The following BAZ2B variants were observed in gnomAD, a reference collection of about 807,000 sequenced individuals.
The protein encoded by BAZ2B is bromodomain adjacent to zinc finger domain protein 2B.
In BAZ2B, 91 loss-of-function variants were observed where a neutral mutation model predicts 246.0. The observed-to-expected ratio is 0.37, with a 90% CI of 0.31 to 0.44. The LOEUF is 0.44. Ranked by LOEUF, BAZ2B falls within the 20% of genes least tolerant of loss-of-function variation. BAZ2B has a pLI of 1.00. For missense variants in BAZ2B, 2,332 were observed against 2,533.7 expected (o/e 0.92, Z 1.71); for synonymous variants, 855 against 860.0 (o/e 0.99, Z 0.10).
intron 20 of BAZ2B, chr2:159,392,072 C>G (rs1027498454): frequency 1.3e-5 from 2 of 152,140 alleles, no homozygotes; most frequent in African/African-American, 2.4e-5. Context: ...TCACATCTCA[C>G]AATTCACAGT....
intron 31 of BAZ2B, among the ~76,000 whole-genome samples, chr2:159,342,726 G>C (rs113753931): frequency 4.6e-4 from 70 of 152,088 alleles, no homozygotes; most frequent in African/African-American, 1.6e-3. Flanking sequence ...CCAAAGAAGT[G>C]AAAGACCTCT....
In BAZ2B at chr2:159,453,701, G is replaced by A; in HGVS notation, c.246C>T (p.Ala82=). Residue 82 remains alanine (A), a synonymous_variant, in exon 4 of 37, where the codon GCC becomes GCT. Transcript: ENST00000392783. Reference sequence around the variant, plus strand: ...CACCAAATTCTGAATGCCCTGAGCTGGCTGAATGTAGACCAAAGACTGGGT... The same window carrying A: ...CACCAAATTCTGAATGCCCTGAGCTAGCTGAATGTAGACCAAAGACTGGGT... ...VSHPVFGLHS[A]SSGHSEFGGL... is the part of the protein sequence containing the mutation. 6.2e-7 allele frequency: 1 copy of A among 1,613,836 alleles called. No homozygotes were observed. Among genetic ancestry groups the A allele is most frequent in the South Asian group, 1.1e-5 (1 of 91,006 alleles).
At chr2:159,678,453 C>A in the BAZ2B span, among the ~76,000 whole-genome samples, 1 of 151,956 alleles carries the variant, frequency 6.6e-6, no homozygotes, top group Non-Finnish European at 1.5e-5. Context: ...ATTCTAACAC[C>A]CAGAATTTCC....
chr2:159,623,176 A>G, the BAZ2B span, among the ~76,000 whole-genome samples: 1 of 151,192 alleles, frequency 6.6e-6, no homozygotes, highest in African/African-American at 2.4e-5. Flanking sequence ...GAAGGAGGGA[A>G]GGAAGGAAGG....
At chr2:159,667,797 C>T in the BAZ2B span, among the ~76,000 whole-genome samples, 5 of 151,936 alleles carry the variant, frequency 3.3e-5, no homozygotes, top group African/African-American at 1.2e-4. Flanking sequence ...ATGATTATAA[C>T]TTGAAGTCTT....
At chr2:159,406,547 A>G (rs1033299450) in intron 14 of BAZ2B, among the ~76,000 whole-genome samples, 1 of 152,188 alleles carries the variant, frequency 6.6e-6, no homozygotes, top group African/African-American at 2.4e-5. Context: ...TTCAAACTCT[A>G]AAAGTGGTAT....
chr2:159,363,885 C>T (rs761525289), intron 27 of BAZ2B, among the ~76,000 whole-genome samples: 1 of 151,976 alleles, frequency 6.6e-6, no homozygotes, highest in Non-Finnish European at 1.5e-5. Flanking sequence ...CTGGGGAGGA[C>T]GAGGGCTATT....
At chr2:159,432,650 A>G (rs1201142134) in intron 9 of BAZ2B, 107 bp downstream of exon 9, 2 of 1,416,400 alleles carry the variant, frequency 1.4e-6, no homozygotes, top group Non-Finnish European at 1.9e-6. Context: ...AAGTTGTGTG[A>G]AACATAGTAA....
At chr2:159,682,686 G>A in the BAZ2B span, among the ~76,000 whole-genome samples, 1 of 152,194 alleles carries the variant, frequency 6.6e-6, no homozygotes, top group Non-Finnish European at 1.5e-5. Flanking sequence ...CAGGGGCAGA[G>A]AATGCTGATT....
At chr2:159,321,184 A>G (rs563586110) in intron 36 of BAZ2B, among the ~76,000 whole-genome samples, 9 of 152,356 alleles carry the variant, frequency 5.9e-5, no homozygotes, top group African/African-American at 2.2e-4. Flanking sequence ...TGGTCATTTC[A>G]AACCAACTCA....
chr2:159,580,054 G>A (rs2151626125), intron 1 of BAZ2B, among the ~76,000 whole-genome samples: 1 of 152,270 alleles, frequency 6.6e-6, no homozygotes, highest in African/African-American at 2.4e-5. Flanking sequence ...ACATAGTGTT[G>A]GAAGTTCTGG....
At chr2:159,633,442 G>A in the BAZ2B span, among the ~76,000 whole-genome samples, 22 of 152,312 alleles carry the variant, frequency 1.4e-4, no homozygotes, top group African/African-American at 4.8e-4. Flanking sequence ...GAGGCCACCT[G>A]ACAGTGATTA....
At position 159,433,135 on chromosome 2, in the gene BAZ2B, C is replaced by T. The variant is rs2071459713; in HGVS notation, c.1522G>A (p.Ala508Thr). 1.9e-6 allele frequency: 3 copies of T among 1,614,012 alleles called. No homozygotes were observed. The highest frequency in any genetic ancestry group is 8.5e-7 in the Non-Finnish European group (1 of 1,180,012). ...TGCATTTTAGTTTTGGTAGTAAGTG[C>T]TAGAGGAGCTTCTTGAATGACACTT... Reference protein sequence around the residue: ...IQSVIQEAPLALTTKTKMQSK... With the variant: ...IQSVIQEAPLTLTTKTKMQSK... The change falls in exon 9 of 37, where the codon GCA becomes ACA. Residue 508 changes from alanine (A) to threonine (T), a missense_variant. Around this residue, in one of 9 missense-constraint regions of BAZ2B, gnomAD observed 651 missense variants for 650.9 expected, o/e 1.00. Transcript: ENST00000392783.
intron 2 of BAZ2B, among the ~76,000 whole-genome samples, chr2:159,486,718 A>AT (rs1419657360): frequency 9.2e-5 from 14 of 151,990 alleles, no homozygotes; most frequent in African/African-American, 3.1e-4. Context: ...ACACATTGGT[A>AT]AATGTATACA....
chr2:159,428,213 A>G (rs2070353095), intron 12 of BAZ2B, 98 bp downstream of exon 12: 4 of 1,177,270 alleles, frequency 3.4e-6, no homozygotes, highest in Non-Finnish European at 3.7e-6. Flanking sequence ...AATATTTAGT[A>G]TCAAGGAACT....
intron 5 of BAZ2B, 35 bp downstream of exon 5, chr2:159,448,207 G>A: frequency 6.3e-7 from 1 of 1,577,252 alleles, no homozygotes; most frequent in African/African-American, 1.4e-5. Flanking sequence ...TAGAATGGAA[G>A]ATTTATAGTA....
intron 2 of BAZ2B, among the ~76,000 whole-genome samples, chr2:159,514,443 C>T (rs79979405): frequency 4.5e-4 from 68 of 152,240 alleles, no homozygotes; most frequent in African/African-American, 1.6e-3. Flanking sequence ...GGATTTTGTA[C>T]TGCTTTATAA....
At chr2:159,627,871 G>A in the BAZ2B span, among the ~76,000 whole-genome samples, 286 of 152,314 alleles carry the variant, frequency 1.9e-3, no homozygotes, top group African/African-American at 6.7e-3. Context: ...AAAAGAGGAA[G>A]TCAAATTGTC....
At chr2:159,676,578 GC>G in the BAZ2B span, among the ~76,000 whole-genome samples, 1 of 151,484 alleles carries the variant, frequency 6.6e-6, no homozygotes, top group South Asian at 2.1e-4. Flanking sequence ...TACTTGGGAG[GC>G]TGAGGTGAGA....
Sources: allele counts gnomAD v4.1 joint callset (sites outside exome capture counted in the v4.1 genomes callset), GRCh38; gene constraint gnomAD v4.1.1; regional missense constraint gnomAD v4.1.1; transcripts MANE v1.5; gene names NCBI Gene and HGNC (gene_info 2026-07-23, HGNC 2026-07-21).